Variants in STK4 observed in about 807,000 individuals in gnomAD.
STK4 encodes serine/threonine-protein kinase 4.
In STK4, 30 loss-of-function variants were observed where a neutral mutation model predicts 64.9. The observed-to-expected ratio is 0.46, with a 90% CI of 0.35 to 0.63. STK4 has a LOEUF of 0.63. STK4 is among the 20% of genes least tolerant of loss of function. The pLI, the probability that STK4 is intolerant of heterozygous loss-of-function variation, is 0.01. For synonymous variants in STK4, 177 were observed against 199.0 expected (o/e 0.89, Z 0.93); for missense variants, 466 against 598.5 (o/e 0.78, Z 2.31).
intron 10 of STK4, among the ~76,000 whole-genome samples, chr20:45,029,909 T>A (rs1437766291): frequency 6.6e-6 from 1 of 152,202 alleles, no homozygotes; most frequent in East Asian, 1.9e-4. Context: ...TTAAATTTCC[T>A]TGTTATTCCC....
At chr20:45,008,872 T>G (rs2067996326) in intron 9 of STK4, among the ~76,000 whole-genome samples, 1 of 152,232 alleles carries the variant, frequency 6.6e-6, no homozygotes, top group Non-Finnish European at 1.5e-5. Flanking sequence ...TGCCCATTTT[T>G]TAATGGAATT....
intron 10 of STK4, among the ~76,000 whole-genome samples, chr20:45,059,113 A>G (rs1978761606): frequency 6.6e-6 from 1 of 152,194 alleles, no homozygotes; most frequent in Non-Finnish European, 1.5e-5. Flanking sequence ...GTTTCTGTTC[A>G]TGTCTTTCAC....
chr20:45,062,713 C>G (rs1979151656), intron 10 of STK4, among the ~76,000 whole-genome samples: 1 of 151,938 alleles, frequency 6.6e-6, no homozygotes, highest in African/African-American at 2.4e-5. Flanking sequence ...GGCTGGAGTG[C>G]CCAGCTTTGT....
chr20:45,047,318 T>C (rs2068711711), intron 10 of STK4, among the ~76,000 whole-genome samples: 1 of 152,222 alleles, frequency 6.6e-6, no homozygotes, highest in African/African-American at 2.4e-5. Flanking sequence ...TGGTGCATGA[T>C]TAATAAAAGA....
chr20:45,003,788 C>T (rs2067884903), intron 9 of STK4, among the ~76,000 whole-genome samples: 4 of 147,784 alleles, frequency 2.7e-5, no homozygotes, highest in Non-Finnish European at 4.4e-5. Context: ...GCGATCTTGG[C>T]TCACAGCAAC....
chr20:45,011,729 ATTTT>A (rs869113711), intron 9 of STK4, among the ~76,000 whole-genome samples: 1,181 of 115,334 alleles, frequency 0.01, 43 homozygotes, highest in East Asian at 0.083. Flanking sequence ...ATATATATAT[ATTTT>A]TTTTTTTTTT....
chr20:45,064,725 TGA>T (rs1979418760), intron 10 of STK4, among the ~76,000 whole-genome samples: 2 of 152,212 alleles, frequency 1.3e-5, no homozygotes, highest in Admixed American at 1.3e-4. Flanking sequence ...TGAATGGGAC[TGA>T]GTTATTGATT....
intron 5 of STK4, among the ~76,000 whole-genome samples, chr20:44,989,479 A>G (rs2067595044): frequency 6.6e-6 from 1 of 152,136 alleles, no homozygotes. Flanking sequence ...TTGAATTAAG[A>G]GTTCTTTATA....
chr20:44,981,294 A>G (rs1469088532), intron 3 of STK4, among the ~76,000 whole-genome samples: 1 of 151,934 alleles, frequency 6.6e-6, no homozygotes, highest in Non-Finnish European at 1.5e-5. Context: ...AGCAGGGACT[A>G]CAGGTGCACA....
At chr20:45,064,135 T>C (rs1568768145) in intron 10 of STK4, among the ~76,000 whole-genome samples, 1 of 152,330 alleles carries the variant, frequency 6.6e-6, no homozygotes, top group South Asian at 2.1e-4. Flanking sequence ...TTTAATCTTC[T>C]GCATATGGCT....
intron 9 of STK4, among the ~76,000 whole-genome samples, chr20:45,021,627 A>G (rs939621840): frequency 6.6e-6 from 1 of 152,222 alleles, no homozygotes; most frequent in Non-Finnish European, 1.5e-5. Flanking sequence ...TCTCTAGACG[A>G]TATCTTTATT....
chr20:45,055,424 G>T (rs1978381675), intron 10 of STK4, among the ~76,000 whole-genome samples: 1 of 151,914 alleles, frequency 6.6e-6, no homozygotes, highest in Admixed American at 6.6e-5. Flanking sequence ...TCAAGTTTCA[G>T]ATTTTAAAAT....
At chr20:44,992,699 T>G (rs2067656775) in intron 5 of STK4, among the ~76,000 whole-genome samples, 1 of 150,638 alleles carries the variant, frequency 6.6e-6, no homozygotes, top group African/African-American at 2.4e-5. Flanking sequence ...TTGTTTGTTT[T>G]TTGTTTTTTG....
intron 10 of STK4, among the ~76,000 whole-genome samples, chr20:45,064,217 G>A (rs1299290596): frequency 2.0e-5 from 3 of 152,086 alleles, no homozygotes; most frequent in East Asian, 1.9e-4. Flanking sequence ...CAGCTTTGTC[G>A]ACGATCACTT....
At chr20:45,045,051 C>T (rs6073612) in intron 10 of STK4, among the ~76,000 whole-genome samples, 8,008 of 152,208 alleles carry the variant, frequency 0.053, 333 homozygotes, top group Non-Finnish European at 0.083. Context: ...TTTTATTTCA[C>T]ATTTTATTTT....
chr20:44,978,375 G>A (rs2067375488), intron 2 of STK4, 68 bp from the exon 3 acceptor site: 2 of 1,546,092 alleles, frequency 1.3e-6, no homozygotes, highest in Non-Finnish European at 1.7e-6. Context: ...AGTTGCTTGT[G>A]TTTTACCACT....
intron 2 of STK4, among the ~76,000 whole-genome samples, chr20:44,976,028 A>G (rs896105626): frequency 2.6e-5 from 4 of 152,248 alleles, no homozygotes; most frequent in African/African-American, 7.2e-5. Context: ...ACAATTTTCA[A>G]AAAGATCAAG....
Position 45,022,940 on chromosome 20 carries a change from G to A in STK4, c.1148-2033G>A, listed in dbSNP as rs143903731. Among the ~76,000 whole-genome samples, 175 of 152,324 alleles carry A rather than the reference G, an allele frequency of 1.1e-3. 1 individual carries two copies. The highest frequency in any genetic ancestry group is 6.8e-3 in the Middle Eastern group (2 of 294). ...ATAATGAGACAAGAGAGGTTGGTGC[G>A]TGATATATGCAGCTTACTCTCAAAT... On this transcript the variant is annotated intron_variant, in intron 9 of 10. Transcript: ENST00000372806.
chr20:45,050,054 A>G (rs1208181067), intron 10 of STK4, among the ~76,000 whole-genome samples: 4 of 152,156 alleles, frequency 2.6e-5, no homozygotes, highest in Non-Finnish European at 4.4e-5. Context: ...GCTCCTTTGT[A>G]TCTACTCAAA....
Sources: gnomAD v4.1 joint callset for allele counts (sites outside exome capture counted in the v4.1 genomes callset) on GRCh38, gnomAD v4.1.1 for gene constraint, MANE v1.5 for transcripts, NCBI Gene and HGNC (gene_info 2026-07-23, HGNC 2026-07-21) for gene names.